Variants in POU2F3 observed in about 807,000 individuals in gnomAD.
POU2F3 encodes POU domain, class 2, transcription factor 3.
In POU2F3, 23 loss-of-function variants were observed where a neutral mutation model predicts 59.2. The observed-to-expected ratio is 0.39, with a 90% CI of 0.28 to 0.55. The LOEUF (loss-of-function observed/expected upper bound fraction) is 0.55. Ranked by LOEUF, POU2F3 falls within the 20% of genes least tolerant of loss-of-function variation. The pLI, the probability that POU2F3 is intolerant of heterozygous loss-of-function variation, is 0.66. For missense variants in POU2F3, 473 were observed against 544.5 expected (o/e 0.87, Z 1.31); for synonymous variants, 190 against 214.6 (o/e 0.89, Z 1.00).
At chr11:120,316,943 T>C (rs1941803207) in intron 11 of POU2F3, among the ~76,000 whole-genome samples, 2 of 152,188 alleles carry the variant, frequency 1.3e-5, no homozygotes, top group African/African-American at 4.8e-5. Flanking sequence ...TAGAGTAGGA[T>C]GATTTTGGCA....
intron 2 of POU2F3, among the ~76,000 whole-genome samples, chr11:120,248,987 A>G (rs1938987039): frequency 6.6e-6 from 1 of 152,110 alleles, no homozygotes; most frequent in Non-Finnish European, 1.5e-5. Context: ...CCCTGAAAGC[A>G]CCCCCTGTGC....
rs113081618 is a variant in POU2F3 at position 120,314,891 on chromosome 11, T to C, written c.1069-470T>C. The stretch of plus-strand genomic sequence containing the variant: ...TCCATGCTCCATTCATCCATCACAG[T>C]GGGAAAGCCTGCGAGAGGCTGCTAG... On this transcript the variant is annotated intron_variant, in intron 10 of 12. Transcript: ENST00000543440. Among the ~76,000 whole-genome samples, 580 of 152,176 alleles carry C rather than the reference T, an allele frequency of 3.8e-3. 3 individuals carry two copies. Among genetic ancestry groups the C allele is most frequent in the Middle Eastern group, 6.9e-3 (2 of 290 alleles).
intron 3 of POU2F3, among the ~76,000 whole-genome samples, chr11:120,272,518 A>G (rs112741150): frequency 0.022 from 3,413 of 152,288 alleles, 135 homozygotes; most frequent in African/African-American, 0.077. Flanking sequence ...GACACAGACA[A>G]GGGGTTGGCA....
At chr11:120,299,522 C>T (rs1302103706) in intron 4 of POU2F3, 102 bp from the exon 5 acceptor site, 3 of 993,526 alleles carry the variant, frequency 3.0e-6, no homozygotes, top group Non-Finnish European at 4.5e-6. Context: ...CCTGCAAAGT[C>T]TCTGAGTCTG....
chr11:120,315,305 C>A, intron 10 of POU2F3, 56 bp from the exon 11 acceptor site: 1 of 1,493,348 alleles, frequency 6.7e-7, no homozygotes, highest in Admixed American at 1.7e-5. Context: ...GGAGAGTGAT[C>A]TGAAGTTGGA....
chr11:120,276,459 G>A (rs530273585), intron 3 of POU2F3, among the ~76,000 whole-genome samples: 1 of 152,118 alleles, frequency 6.6e-6, no homozygotes, highest in South Asian at 2.1e-4. Flanking sequence ...GGGAGGATGA[G>A]AACTGAGGGC....
rs555870067 is a variant in POU2F3, at chr11:120,317,341, C to T, written c.1248C>T (p.Ser416=). 1.7e-5 allele frequency: 27 copies of T among 1,614,170 alleles called. No individual in the cohort carries two copies. Among genetic ancestry groups the T allele is most frequent in the Admixed American group, 3.3e-5 (2 of 60,024 alleles). Residue 416 remains serine, a synonymous_variant, in exon 12 of 13, where the codon TCC becomes TCT. Coordinates refer to ENST00000543440, the MANE Select transcript of POU2F3 (RefSeq NM_014352.4). ...ATAACTCCAAAGCAGCAGTGAACTC[C>T]GCCTCCAGTTTTAACTCTTCAGGGT... ...SQNNSKAAVN[S]ASSFNSSGSW...
At chr11:120,305,928 C>T (rs1941474656) in intron 8 of POU2F3, 143 bp downstream of exon 8, 2 of 1,011,222 alleles carry the variant, frequency 2.0e-6, no homozygotes, top group South Asian at 1.7e-5. Flanking sequence ...AGAAACAAGA[C>T]ACAGGACACA....
intron 1 of POU2F3, among the ~76,000 whole-genome samples, chr11:120,242,987 TTTCTCTGCCC>T (rs1218410236): frequency 6.6e-6 from 1 of 152,112 alleles, no homozygotes; most frequent in African/African-American, 2.4e-5. Context: ...CAGGTGTCTC[TTTCTCTGCCC>T]TTCTCCTCAC....
rs1452866781 is a variant in POU2F3, at chr11:120,285,222, T to C, written c.133-13043T>C. 3.3e-5 allele frequency among the ~76,000 whole-genome samples: 5 copies of C among 152,202 alleles called. No individual in the cohort carries two copies. The highest frequency in any genetic ancestry group is 4.8e-5 in the African/African-American group (2 of 41,450). On this transcript the variant is annotated intron_variant, in intron 3 of 12. Transcript: ENST00000543440. This position sits in a 1 kb window ranked among gnomAD's most constrained non-coding sequence, Gnocchi z 4.3. ...AAGAAAGAGTGATTCCAGTACGACC[T>C]ATGCCTCATATACCAATTCTGCTGA...
chr11:120,304,979 A>AAAAAAT, intron 6 of POU2F3, 51 bp from the exon 7 acceptor site: 14 of 1,076,492 alleles, frequency 1.3e-5, no homozygotes, highest in Non-Finnish European at 1.7e-5. Flanking sequence ...AAATCAGAAA[A>AAAAAAT]TGTTATTTAT....
At chr11:120,263,577 T>A (rs1039739427) in intron 2 of POU2F3, among the ~76,000 whole-genome samples, 3 of 152,242 alleles carry the variant, frequency 2.0e-5, no homozygotes, top group Non-Finnish European at 2.9e-5. Context: ...CATACTCAAT[T>A]TTTTTCTGCG....
At position 120,285,096 on chromosome 11, in the gene POU2F3, C is replaced by T. The variant is rs545579239; in HGVS notation, c.133-13169C>T. On this transcript the variant is annotated intron_variant, in intron 3 of 12. Transcript: ENST00000543440. This position sits in a 1 kb window ranked among gnomAD's most constrained non-coding sequence, Gnocchi z 4.3. The stretch of plus-strand genomic sequence containing the variant: ...CACGTAATGAAACGAAGGTCAGAGT[C>T]GGTGATGTTAGTTACTTTACTATTC... Among the ~76,000 whole-genome samples the T allele has an allele frequency of 2.6e-5, 4 of 152,230 alleles. No individual in the cohort carries two copies. The highest frequency in any genetic ancestry group is 3.4e-3 in the Middle Eastern group (1 of 294).
At chr11:120,246,638 CT>C in intron 2 of POU2F3, 121 bp downstream of exon 2, 1 of 988,488 alleles carries the variant, frequency 1.0e-6, no homozygotes, top group Non-Finnish European at 1.5e-6. Flanking sequence ...AAAGCTAGGT[CT>C]TAGGAACTAA....
Position 120,299,617 on chromosome 11 carries a change from T to G in POU2F3, c.259-7T>G. Reference sequence around the variant, plus strand: ...TCTGTGGTGTATGTGTATCTCTCCGTGTGTAGGACATGGCTTCCCTCCATC... The same window carrying G: ...TCTGTGGTGTATGTGTATCTCTCCGGGTGTAGGACATGGCTTCCCTCCATC... On this transcript the variant is annotated splice_region_variant and splice_polypyrimidine_tract_variant and intron_variant, in intron 4 of 12. Coordinates refer to ENST00000543440, the MANE Select transcript of POU2F3 (RefSeq NM_014352.4). The G allele has an allele frequency of 2.5e-6, 4 of 1,612,358 alleles. No homozygotes were observed. The highest frequency in any genetic ancestry group is 3.4e-6 in the Non-Finnish European group (4 of 1,179,094).
intron 1 of POU2F3, 143 bp from the exon 2 acceptor site, chr11:120,246,303 ATGG>A: frequency 1.2e-6 from 1 of 830,380 alleles, no homozygotes; most frequent in Non-Finnish European, 2.0e-6. Flanking sequence ...GAATATTCTA[ATGG>A]TTGTATGTTC....
intron 10 of POU2F3, among the ~76,000 whole-genome samples, chr11:120,313,688 C>T (rs1297612005): frequency 1.3e-5 from 2 of 152,070 alleles, no homozygotes; most frequent in Non-Finnish European, 2.9e-5. Flanking sequence ...ACAAGCTGGC[C>T]GCACTGACCA....
intron 2 of POU2F3, among the ~76,000 whole-genome samples, chr11:120,258,442 G>T (rs549425952): frequency 3.7e-4 from 56 of 152,338 alleles, no homozygotes; most frequent in African/African-American, 1.3e-3. Flanking sequence ...CTGGTCGCAT[G>T]ACTTTTAGCA....
intron 10 of POU2F3, among the ~76,000 whole-genome samples, chr11:120,310,101 T>C (rs539712114): frequency 3.3e-5 from 5 of 152,158 alleles, no homozygotes; most frequent in Non-Finnish European, 5.9e-5. Context: ...CTGAGCTGGT[T>C]GACACAGGCT....
Sources: gnomAD v4.1 joint callset for allele counts (sites outside exome capture counted in the v4.1 genomes callset) on GRCh38, gnomAD v4.1.1 for gene constraint, Gnocchi (gnomAD v3.1) non-coding constraint, MANE v1.5 for transcripts, NCBI Gene and HGNC (gene_info 2026-07-23, HGNC 2026-07-21) for gene names.